CTNND2: variants seen among roughly 807,000 people sequenced by gnomAD.
CTNND2 encodes catenin delta-2.
CTNND2 carries 22 observed loss-of-function variants against 144.4 expected under a neutral mutation model. That is an observed-to-expected ratio of 0.15 (90% CI 0.11 to 0.22). The LOEUF is 0.22. Among genes scored for constraint, CTNND2 ranks in the 10% least tolerant of loss-of-function variants. The probability of loss-of-function intolerance (pLI) is 1.00; values close to 1 mark genes in which losing one functional copy is unlikely to be tolerated. For synonymous variants in CTNND2, 751 were observed against 695.6 expected (o/e 1.08, Z -1.25); for missense variants, 1,353 against 1,618.8 (o/e 0.84, Z 2.82).
intron 2 of CTNND2, among the ~76,000 whole-genome samples, chr5:11,599,563 T>C (rs1483690605): frequency 6.6e-6 from 1 of 152,222 alleles, no homozygotes; most frequent in Non-Finnish European, 1.5e-5. Context: ...ATGACATCCA[T>C]GACTGGCAAA....
At chr5:11,584,436 A>C (rs993370689) in intron 2 of CTNND2, among the ~76,000 whole-genome samples, 1 of 115,412 alleles carries the variant, frequency 8.7e-6, no homozygotes, top group Admixed American at 8.9e-5. Context: ...GGGGGGGGGG[A>C]GGAGGAAGCT....
chr5:11,268,542 C>A (rs1745683723), intron 9 of CTNND2, among the ~76,000 whole-genome samples: 2 of 152,062 alleles, frequency 1.3e-5, no homozygotes, highest in African/African-American at 4.8e-5. Context: ...TTGCAGTGAG[C>A]CAAGATCATG....
At chr5:11,237,106 G>A (rs1741733356) in intron 9 of CTNND2, among the ~76,000 whole-genome samples, 1 of 149,456 alleles carries the variant, frequency 6.7e-6, no homozygotes, top group South Asian at 2.1e-4. Flanking sequence ...TGCAAGCTCC[G>A]CCTCCCGGGT....
chr5:11,265,289 A>C (rs984523954), intron 9 of CTNND2, among the ~76,000 whole-genome samples: 5 of 152,256 alleles, frequency 3.3e-5, no homozygotes, highest in Non-Finnish European at 7.3e-5. Context: ...GAGAGAACAG[A>C]GGAAACAAAA....
At chr5:11,304,842 G>T (rs1284401512) in intron 9 of CTNND2, among the ~76,000 whole-genome samples, 1 of 152,182 alleles carries the variant, frequency 6.6e-6, no homozygotes, top group Non-Finnish European at 1.5e-5. Flanking sequence ...CTCTCCATCT[G>T]CTGGGAATCT....
chr5:11,792,177 C>T (rs1561800651), intron 1 of CTNND2, among the ~76,000 whole-genome samples: 1 of 152,096 alleles, frequency 6.6e-6, no homozygotes, highest in African/African-American at 2.4e-5. Flanking sequence ...GCCTGCCAAA[C>T]CCAATGCTCT....
rs372113394 is a variant in CTNND2, at chr5:11,640,101, G to A, written c.175-75045C>T. Among the ~76,000 whole-genome samples the A allele has an allele frequency of 2.6e-5, 4 of 152,266 alleles. No homozygotes were observed. In the East Asian group the frequency reaches 5.8e-4, roughly 22 times the overall value. ...ACTGGAGATGAATTCTCTTCATTCAGAAATCATATTAAAAAGACATATGCT... is the reference window on the plus strand; with the variant it reads ...ACTGGAGATGAATTCTCTTCATTCAAAAATCATATTAAAAAGACATATGCT... On this transcript the variant is annotated intron_variant, in intron 2 of 21. Coordinates refer to ENST00000304623, the MANE Select transcript of CTNND2 (RefSeq NM_001332.4).
chr5:11,869,345 G>A (rs908155246), intron 1 of CTNND2, among the ~76,000 whole-genome samples: 5 of 152,182 alleles, frequency 3.3e-5, no homozygotes, highest in African/African-American at 4.8e-5. Flanking sequence ...ATGGATGAAT[G>A]GGCAAACAAC....
intron 9 of CTNND2, among the ~76,000 whole-genome samples, chr5:11,340,804 A>G (rs968329118): frequency 6.6e-6 from 1 of 152,138 alleles, no homozygotes; most frequent in African/African-American, 2.4e-5. Context: ...TTCTGTTTCC[A>G]CCTCTCTGAG....
intron 17 of CTNND2, among the ~76,000 whole-genome samples, chr5:11,020,231 GTA>G (rs985829931): frequency 6.6e-6 from 1 of 151,076 alleles, no homozygotes; most frequent in African/African-American, 2.4e-5. Context: ...ATTTAAGCTT[GTA>G]TATATATATA....
chr5:11,606,307 A>G (rs1382852924), intron 2 of CTNND2, among the ~76,000 whole-genome samples: 2 of 152,216 alleles, frequency 1.3e-5, no homozygotes, highest in Non-Finnish European at 2.9e-5. Context: ...TGAAACCTAC[A>G]TCGGACTTCT....
intron 2 of CTNND2, among the ~76,000 whole-genome samples, chr5:11,731,371 AG>A (rs757050262): frequency 2.0e-5 from 3 of 152,144 alleles, no homozygotes; most frequent in Non-Finnish European, 4.4e-5. Flanking sequence ...ATGTTCCTGG[AG>A]TCAGGTAAGT....
chr5:11,762,774 G>T (rs1161912776), intron 1 of CTNND2, among the ~76,000 whole-genome samples: 2 of 152,154 alleles, frequency 1.3e-5, no homozygotes, highest in East Asian at 3.9e-4. Flanking sequence ...ACTGCCTTCT[G>T]TCTAGTTATT....
At chr5:11,011,603 GC>G (rs1336838669) in intron 18 of CTNND2, among the ~76,000 whole-genome samples, 1 of 152,172 alleles carries the variant, frequency 6.6e-6, no homozygotes, top group African/African-American at 2.4e-5. Flanking sequence ...AGCAAAATGA[GC>G]TTCAGGACCA....
At chr5:11,837,358 T>C (rs1283392905) in intron 1 of CTNND2, among the ~76,000 whole-genome samples, 1 of 152,228 alleles carries the variant, frequency 6.6e-6, no homozygotes, top group Admixed American at 6.5e-5. Flanking sequence ...TTGTTCAACA[T>C]GGATGATTGT....
chr5:11,559,580 C>G lies in CTNND2; in HGVS notation c.287+5364G>C, dbSNP rs567982562. ...ACCCCAAGTCTCCATGCTATGATAT[C>G]TTGCCTGCTTGCCCAGCCTTCTGAG... is the stretch of plus-strand genomic sequence containing the variant. On this transcript the variant is annotated intron_variant, in intron 3 of 21. Coordinates refer to ENST00000304623, the MANE Select transcript of CTNND2 (RefSeq NM_001332.4). Among the ~76,000 whole-genome samples the G allele has an allele frequency of 5.3e-5, 8 of 152,330 alleles. No homozygotes were observed. The South Asian group carries it at 1.7e-3, about 32-fold the overall frequency.
At chr5:11,294,879 T>C (rs962145601) in intron 9 of CTNND2, among the ~76,000 whole-genome samples, 6 of 152,182 alleles carry the variant, frequency 3.9e-5, no homozygotes, top group African/African-American at 1.4e-4. Flanking sequence ...AATATCATAC[T>C]GAATGGGCAA....
intron 3 of CTNND2, among the ~76,000 whole-genome samples, chr5:11,542,238 G>A (rs1047824236): frequency 1.3e-5 from 2 of 152,084 alleles, no homozygotes; most frequent in African/African-American, 4.8e-5. Flanking sequence ...CGCCTGTTAG[G>A]ACAGAACGCC....
At chr5:11,666,344 C>A (rs946061523) in intron 2 of CTNND2, among the ~76,000 whole-genome samples, 1 of 152,088 alleles carries the variant, frequency 6.6e-6, no homozygotes, top group Non-Finnish European at 1.5e-5. Context: ...GAGGGGAAAC[C>A]AAACCTTAGA....
Sources: allele counts gnomAD v4.1 joint callset (sites outside exome capture counted in the v4.1 genomes callset), GRCh38; gene constraint gnomAD v4.1.1; transcripts MANE v1.5; gene names NCBI Gene and HGNC (gene_info 2026-07-23, HGNC 2026-07-21).